The following AFAP1 variants were observed in gnomAD, a reference collection of about 807,000 sequenced individuals.
AFAP1 encodes actin filament associated protein 1, also known as actin filament-associated protein 1.
Under a neutral mutation model 93.9 loss-of-function variants are expected in AFAP1, and 75 were observed. The ratio of observed to expected loss-of-function variants is 0.80; its 90% CI spans 0.66 to 0.97. The LOEUF (loss-of-function observed/expected upper bound fraction) is 0.97, where lower values mean the gene tolerates loss of function less well. AFAP1 is among the 50% of genes least tolerant of loss of function. The probability of loss-of-function intolerance (pLI) is 0.00; values close to 1 mark genes in which losing one functional copy is unlikely to be tolerated. For missense variants in AFAP1, 1,201 were observed against 1,050.8 expected, an observed-to-expected ratio of 1.14 and a Z score of -1.98; for synonymous variants, 517 against 430.7, an observed-to-expected ratio of 1.20 and a Z score of -2.48.
At chr4:7,890,384 T>C (rs576837929) in intron 1 of AFAP1, among the ~76,000 whole-genome samples, 124 of 152,264 alleles carry the variant, frequency 8.1e-4, no homozygotes, top group Admixed American at 1.9e-3. Context: ...TTACCTTAAA[T>C]AGATCAGACC....
At chr4:7,845,192 C>T (rs773093507) in intron 4 of AFAP1, among the ~76,000 whole-genome samples, 5 of 152,200 alleles carry the variant, frequency 3.3e-5, no homozygotes, top group Admixed American at 2.0e-4. Flanking sequence ...GAGGCCAAGG[C>T]GGGCGAATCA....
At chr4:7,860,062 G>A (rs796534752) in intron 3 of AFAP1, among the ~76,000 whole-genome samples, 6 of 152,118 alleles carry the variant, frequency 3.9e-5, no homozygotes, top group African/African-American at 9.6e-5. Flanking sequence ...AGGACTGCTC[G>A]AGCCCGGGAA....
intron 4 of AFAP1, among the ~76,000 whole-genome samples, chr4:7,853,824 A>G (rs1043824692): frequency 1.2e-4 from 18 of 152,118 alleles, no homozygotes; most frequent in African/African-American, 4.3e-4. Context: ...CCATCAACTG[A>G]GAGTCCCACG....
intron 1 of AFAP1, among the ~76,000 whole-genome samples, chr4:7,897,153 G>C (rs1718826606): frequency 6.6e-6 from 1 of 152,044 alleles, no homozygotes; most frequent in Admixed American, 6.6e-5. Flanking sequence ...GCCTTCTTTG[G>C]GTAGGCTGAG....
intron 10 of AFAP1, among the ~76,000 whole-genome samples, chr4:7,797,565 C>G (rs2149021730): frequency 6.6e-6 from 1 of 152,302 alleles, no homozygotes; most frequent in South Asian, 2.1e-4. Context: ...AAAGCAGTCT[C>G]CTTCCTAAGT....
chr4:7,837,236 C>T (rs1239913083), intron 6 of AFAP1, among the ~76,000 whole-genome samples: 1 of 152,198 alleles, frequency 6.6e-6, no homozygotes, highest in Non-Finnish European at 1.5e-5. Flanking sequence ...GGACTGAACA[C>T]TACTGCCATG....
chr4:7,905,969 G>A (rs965339814), intron 1 of AFAP1, among the ~76,000 whole-genome samples: 7 of 152,204 alleles, frequency 4.6e-5, no homozygotes, highest in African/African-American at 1.7e-4. Context: ...ACACCCCCAC[G>A]CACAAGGGCC....
At chr4:7,834,258 T>A (rs1221421580) in intron 6 of AFAP1, among the ~76,000 whole-genome samples, 1 of 152,216 alleles carries the variant, frequency 6.6e-6, no homozygotes, top group Non-Finnish European at 1.5e-5. Flanking sequence ...ACATTGTATG[T>A]TCTCACTCAT....
At chr4:7,803,804 C>T (rs77141702) in intron 9 of AFAP1, among the ~76,000 whole-genome samples, 1 of 152,344 alleles carries the variant, frequency 6.6e-6, no homozygotes, top group East Asian at 1.9e-4. Context: ...TTGGACAGAT[C>T]CACATTTTAT....
At position 7,762,480 on chromosome 4, in the gene AFAP1, G is replaced by A. The variant is rs938641217; in HGVS notation, c.*1285C>T. 6.6e-6 allele frequency: 1 copy of A among 152,240 alleles called. No individual in the cohort carries two copies. Among genetic ancestry groups the A allele is most frequent in the Non-Finnish European group, 1.5e-5 (1 of 68,044 alleles). 9.4% of individuals were successfully genotyped at this position (152,240 alleles called of 1,614,324 possible). A position where few individuals can be genotyped will look rare whatever the true frequency, so the allele number is the denominator to read the frequency against. ...CATCTTCCCGTACTGGAGAATTCCT[G>A]ACAGCAGCCTCCGGGAGACCAAGAA... On this transcript the variant is annotated 3_prime_UTR_variant, in exon 18 of 18. Coordinates refer to ENST00000420658, the MANE Select transcript of AFAP1 (RefSeq NM_001134647.2).
At chr4:7,774,192 G>A (rs376086990) in intron 15 of AFAP1, 3 of 152,814 alleles carry the variant, frequency 2.0e-5, no homozygotes, top group African/African-American at 7.2e-5. Flanking sequence ...CAGTTTCTGT[G>A]ACTTCAGTCC....
At chr4:7,768,811 G>A in intron 17 of AFAP1, 33 bp downstream of exon 17, 18 of 1,529,970 alleles carry the variant, frequency 1.2e-5, no homozygotes, top group Non-Finnish European at 1.6e-5. Context: ...GCCTGCCCAG[G>A]ACACCCAGAC....
chr4:7,781,900 C>T (rs1385474522), intron 12 of AFAP1, among the ~76,000 whole-genome samples: 1 of 152,066 alleles, frequency 6.6e-6, no homozygotes, highest in African/African-American at 2.4e-5. Flanking sequence ...TTTCCTTAAA[C>T]CATTCCCAGA....
At chr4:7,894,460 T>A (rs962831915) in intron 1 of AFAP1, among the ~76,000 whole-genome samples, 1 of 152,078 alleles carries the variant, frequency 6.6e-6, no homozygotes, top group Non-Finnish European at 1.5e-5. Context: ...CAGAGGAGCG[T>A]GAATTCTGAG....
intron 10 of AFAP1, among the ~76,000 whole-genome samples, chr4:7,799,565 T>C (rs901652550): frequency 4.6e-5 from 7 of 152,182 alleles, no homozygotes; most frequent in Non-Finnish European, 8.8e-5. Context: ...CTGGTTTCTA[T>C]CGATTCTACA....
intron 2 of AFAP1, among the ~76,000 whole-genome samples, 189 bp downstream of exon 2, chr4:7,871,763 T>C (rs373229635): frequency 1.3e-5 from 2 of 152,338 alleles, no homozygotes; most frequent in East Asian, 3.9e-4. Context: ...TTCAAAGCTT[T>C]ATCTTTCTAC....
intron 1 of AFAP1, among the ~76,000 whole-genome samples, chr4:7,928,262 TACTC>T (rs1045390126): frequency 4.6e-5 from 7 of 152,230 alleles, no homozygotes; most frequent in African/African-American, 1.4e-4. Flanking sequence ...AAATTTCACT[TACTC>T]AACAACAACA....
At chr4:7,824,159 T>C (rs1403188478) in intron 6 of AFAP1, among the ~76,000 whole-genome samples, 1 of 152,228 alleles carries the variant, frequency 6.6e-6, no homozygotes, top group Non-Finnish European at 1.5e-5. Context: ...CTTCTATTAA[T>C]ACATTTCTAC....
chr4:7,931,874 T>G, intron 1 of AFAP1, among the ~76,000 whole-genome samples: 1 of 152,250 alleles, frequency 6.6e-6, no homozygotes, highest in South Asian at 2.1e-4. Context: ...CTTTTTCTTT[T>G]TTTTGAGACG....
Sources: allele counts gnomAD v4.1 joint callset (sites outside exome capture counted in the v4.1 genomes callset), GRCh38; gene constraint gnomAD v4.1.1; transcripts MANE v1.5; gene names NCBI Gene and HGNC (gene_info 2026-07-23, HGNC 2026-07-21).